The following RPS6KC1 variants were observed in gnomAD, a reference collection of about 807,000 sequenced individuals.
RPS6KC1 encodes the protein ribosomal protein S6 kinase C1, also known as inactive ribosomal protein S6 kinase delta-1.
RPS6KC1 carries 54 observed loss-of-function variants against 103.8 expected under a neutral mutation model. The observed-to-expected ratio is 0.52, with a 90% confidence interval of 0.42 to 0.65. The LOEUF (loss-of-function observed/expected upper bound fraction) is 0.65, where lower values mean the gene tolerates loss of function less well. Among genes scored for constraint, RPS6KC1 ranks in the 30% least tolerant of loss-of-function variants. The probability of loss-of-function intolerance (pLI) is 0.00; values close to 1 mark genes in which losing one functional copy is unlikely to be tolerated. For missense variants in RPS6KC1, 1,151 were observed against 1,253.8 expected, an observed-to-expected ratio of 0.92 and a Z score of 1.24; for synonymous variants, 439 against 438.7, an observed-to-expected ratio of 1.00 and a Z score of -0.01.
chr1:213,586,825 G>T, the RPS6KC1 span, among the ~76,000 whole-genome samples: 35 of 152,290 alleles, frequency 2.3e-4, no homozygotes, highest in African/African-American at 7.9e-4. Flanking sequence ...TCCAGTCTCT[G>T]CTCCCAGCAG....
chr1:213,317,475 C>T, the RPS6KC1 span, among the ~76,000 whole-genome samples: 1 of 152,210 alleles, frequency 6.6e-6, no homozygotes, highest in Non-Finnish European at 1.5e-5. Context: ...GTCTCAAGGA[C>T]ACAAATCCTA....
At chr1:213,519,324 A>T in the RPS6KC1 span, among the ~76,000 whole-genome samples, 2 of 152,194 alleles carry the variant, frequency 1.3e-5, no homozygotes, top group African/African-American at 4.8e-5. Flanking sequence ...TAGATTGAGG[A>T]TGGGCTCTCC....
the RPS6KC1 span, among the ~76,000 whole-genome samples, chr1:213,364,396 C>A: frequency 6.6e-6 from 1 of 152,136 alleles, no homozygotes; most frequent in Non-Finnish European, 1.5e-5. Context: ...ACAAAGTTTT[C>A]TTCTGTCATG....
At chr1:213,117,968 G>A (rs139050573) in intron 5 of RPS6KC1, among the ~76,000 whole-genome samples, 1,475 of 132,944 alleles carry the variant, frequency 0.011, 25 homozygotes, top group African/African-American at 0.036. Flanking sequence ...TTTGCAGTGA[G>A]CTGAGACTGT....
chr1:213,447,031 A>G, the RPS6KC1 span, among the ~76,000 whole-genome samples: 1 of 152,122 alleles, frequency 6.6e-6, no homozygotes, highest in East Asian at 1.9e-4. Context: ...CCTTTGAAGC[A>G]TGGCTTAGGT....
At chr1:213,421,025 TTTG>T in the RPS6KC1 span, among the ~76,000 whole-genome samples, 4 of 152,236 alleles carry the variant, frequency 2.6e-5, no homozygotes, top group African/African-American at 9.6e-5. Context: ...TCCTAATGAC[TTTG>T]TTTTCACTTA....
the RPS6KC1 span, among the ~76,000 whole-genome samples, chr1:213,348,665 T>C: frequency 6.6e-6 from 1 of 152,160 alleles, no homozygotes; most frequent in Admixed American, 6.6e-5. Context: ...TAAGGTTAAT[T>C]TGGGTTGGAA....
At chr1:213,723,199 T>C in the RPS6KC1 span, among the ~76,000 whole-genome samples, 1 of 152,250 alleles carries the variant, frequency 6.6e-6, no homozygotes, top group Admixed American at 6.5e-5. Flanking sequence ...AAGGGAGTAT[T>C]CTCTGTTTCC....
chr1:213,440,890 G>A, the RPS6KC1 span, among the ~76,000 whole-genome samples: 1 of 152,160 alleles, frequency 6.6e-6, no homozygotes, highest in Non-Finnish European at 1.5e-5. Flanking sequence ...GGTAAAATTA[G>A]CGTCCTTATT....
intron 4 of RPS6KC1, 139 bp downstream of exon 4, chr1:213,104,708 T>C (rs2082313031): frequency 6.6e-6 from 3 of 451,272 alleles, no homozygotes; most frequent in Admixed American, 4.0e-5. Context: ...ATAATGTTTA[T>C]GGCATATTTC....
chr1:213,443,857 G>A, the RPS6KC1 span, among the ~76,000 whole-genome samples: 1 of 151,998 alleles, frequency 6.6e-6, no homozygotes. Context: ...GTGAGATCGC[G>A]CCACTGCACT....
chr1:213,116,206 C>T (rs796112484), intron 4 of RPS6KC1, among the ~76,000 whole-genome samples: 1 of 151,030 alleles, frequency 6.6e-6, no homozygotes, highest in African/African-American at 2.4e-5. Context: ...TTGTAGGTCA[C>T]TCAGGACTTA....
At chr1:213,113,706 G>GT (rs1285798217) in intron 4 of RPS6KC1, among the ~76,000 whole-genome samples, 1 of 151,840 alleles carries the variant, frequency 6.6e-6, no homozygotes, top group African/African-American at 2.4e-5. Context: ...TAACGTTTAA[G>GT]TCTTTAATCC....
At chr1:213,344,681 T>C in the RPS6KC1 span, among the ~76,000 whole-genome samples, 1 of 152,270 alleles carries the variant, frequency 6.6e-6, no homozygotes, top group African/African-American at 2.4e-5. Context: ...ACTACAGGTG[T>C]GCACCACCAC....
the RPS6KC1 span, among the ~76,000 whole-genome samples, chr1:213,301,521 T>C: frequency 6.6e-6 from 1 of 152,160 alleles, no homozygotes; most frequent in East Asian, 1.9e-4. Flanking sequence ...TCTCACGTCA[T>C]CTGGAGATTT....
At chr1:213,076,177 C>A (rs193111380) in intron 2 of RPS6KC1, among the ~76,000 whole-genome samples, 1 of 152,250 alleles carries the variant, frequency 6.6e-6, no homozygotes, top group African/African-American at 2.4e-5. Context: ...AGTAAATGAA[C>A]AGGGAACATC....
At chr1:213,620,514 T>C in the RPS6KC1 span, among the ~76,000 whole-genome samples, 1 of 152,194 alleles carries the variant, frequency 6.6e-6, no homozygotes, top group Non-Finnish European at 1.5e-5. Context: ...GGCCCAGAAC[T>C]AGCAAATTTC....
the RPS6KC1 span, among the ~76,000 whole-genome samples, chr1:213,658,663 A>C: frequency 6.6e-6 from 1 of 152,268 alleles, no homozygotes; most frequent in Non-Finnish European, 1.5e-5. Context: ...GTTCTGGAGC[A>C]ATAAAATAAA....
chr1:213,798,268 C>T, the RPS6KC1 span, among the ~76,000 whole-genome samples: 16 of 152,240 alleles, frequency 1.1e-4, no homozygotes, highest in Admixed American at 1.0e-3. Context: ...AGATTCTTAG[C>T]AGCAGAGGAA....
Sources: allele counts gnomAD v4.1 joint callset (sites outside exome capture counted in the v4.1 genomes callset), GRCh38; gene constraint gnomAD v4.1.1; transcripts MANE v1.5; gene names NCBI Gene and HGNC (gene_info 2026-07-23, HGNC 2026-07-21).